Variants in ZBTB34 observed in about 807,000 individuals in gnomAD.
The protein encoded by ZBTB34 is zinc finger and BTB domain-containing protein 34.
A neutral mutation model predicts 33.4 loss-of-function variants in ZBTB34; 1 was observed. That is an observed-to-expected ratio of 0.03 (90% CI 0.01 to 0.14). The LOEUF (loss-of-function observed/expected upper bound fraction) is 0.14. ZBTB34 is among the 10% of genes least tolerant of loss of function. ZBTB34 has a pLI of 1.00. For synonymous variants in ZBTB34, 283 were observed against 253.5 expected, an observed-to-expected ratio of 1.12 and a Z score of -1.11; for missense variants, 406 against 657.2, an observed-to-expected ratio of 0.62 and a Z score of 4.18.
In ZBTB34 at chr9:126,879,859, G is replaced by A; in HGVS notation, c.460G>A (p.Gly154Arg). The stretch of plus-strand genomic sequence containing the variant: ...TGAAGAGAATCCCGAGAGTCGAAAC[G>A]GAGTGAAAGACAGCAGCTTCTTTGC... The change falls in exon 2 of 2, where the codon GGA becomes AGA. Residue 154 changes from glycine (G) to arginine (R), a missense_variant. Physicochemically the swap from Gly to Arg is moderately radical, Grantham distance 125. Coordinates refer to ENST00000319119, the Ensembl canonical transcript of ZBTB34. The surrounding 1 kb of genome is among the most constrained non-coding windows in gnomAD (Gnocchi z 6.4). 2 of 1,613,056 alleles carry A rather than the reference G, an allele frequency of 1.2e-6. No homozygotes were observed. The highest frequency in any genetic ancestry group is 1.3e-5 in the African/African-American group (1 of 75,014).
At chr9:126,867,072 C>T (rs187663724) in intron 1 of ZBTB34, among the ~76,000 whole-genome samples, 202 of 151,122 alleles carry the variant, frequency 1.3e-3, no homozygotes, top group Middle Eastern at 3.5e-3. Context: ...TTAATAGCTG[C>T]GTAGTATTTC....
intron 1 of ZBTB34, among the ~76,000 whole-genome samples, chr9:126,872,720 A>G (rs2033297089): frequency 2.0e-5 from 3 of 152,118 alleles, no homozygotes; most frequent in South Asian, 2.1e-4. Context: ...TAAGTTCACT[A>G]TGTGCCAGTC....
exon 2 of ZBTB34, chr9:126,884,071 A>G (rs1293451848): frequency 6.0e-6 from 1 of 167,104 alleles, no homozygotes; most frequent in African/African-American, 2.4e-5. Flanking sequence ...CAGATGCAGA[A>G]ATCAATTAAG....
chr9:126,885,269 G>C (rs1423254916), exon 2 of ZBTB34: 2 of 167,042 alleles, frequency 1.2e-5, no homozygotes, highest in Non-Finnish European at 2.9e-5. Flanking sequence ...GGCTATTGTA[G>C]TTCTTGATCA....
At chr9:126,871,385 A>G (rs1215642833) in intron 1 of ZBTB34, among the ~76,000 whole-genome samples, 1 of 141,836 alleles carries the variant, frequency 7.1e-6, no homozygotes, top group East Asian at 2.1e-4. Flanking sequence ...TTTTTTTGAG[A>G]TGGAGTCTCG....
rs372391875 is a variant in ZBTB34 at position 126,880,460 on chromosome 9, C to A, written c.1061C>A (p.Pro354His). 3 of 1,613,620 alleles carry A rather than the reference C, an allele frequency of 1.9e-6. No homozygotes were observed. The highest frequency in any genetic ancestry group is 2.5e-6 in the Non-Finnish European group (3 of 1,179,872). ...GACAGTGAAGCCATGATGAACAACC[C>A]CGGGTATGAGAGCAGTCCCCGGGAG... Residue 354 changes from proline to histidine, a missense_variant, in exon 2 of 2, where the codon CCC becomes CAC. Pro to His is a moderately conservative substitution (Grantham distance 77). Around this residue, in one of 6 missense-constraint regions of ZBTB34, gnomAD observed 123 missense variants for 140.4 expected, o/e 0.88. Coordinates refer to ENST00000319119, the Ensembl canonical transcript of ZBTB34. The surrounding 1 kb of genome is among the most constrained non-coding windows in gnomAD (Gnocchi z 6.7).
intron 1 of ZBTB34, among the ~76,000 whole-genome samples, chr9:126,862,599 C>T (rs1241303333): frequency 1.3e-5 from 2 of 152,198 alleles, no homozygotes; most frequent in African/African-American, 2.4e-5. Context: ...AAGCACTGGC[C>T]TCCTTTTTCT....
intron 1 of ZBTB34, among the ~76,000 whole-genome samples, chr9:126,864,920 T>G (rs946905584): frequency 6.6e-6 from 1 of 152,202 alleles, no homozygotes; most frequent in Non-Finnish European, 1.5e-5. Context: ...AGGTTTCCAG[T>G]GCCTGCCAGA....
chr9:126,869,047 A>G (rs1039216005), intron 1 of ZBTB34, among the ~76,000 whole-genome samples: 1 of 152,102 alleles, frequency 6.6e-6, no homozygotes, highest in Non-Finnish European at 1.5e-5. Context: ...ATTTTGCTCT[A>G]CAAAGAGGGT....
exon 2 of ZBTB34, chr9:126,882,305 A>T (rs1263502952): frequency 1.8e-5 from 3 of 167,102 alleles, no homozygotes; most frequent in Non-Finnish European, 4.4e-5. Context: ...GAAAATGTGA[A>T]ATCTGATGGT....
chr9:126,860,772 G>T, intron 1 of ZBTB34, 33 bp downstream of exon 1: 1 of 146,496 alleles, frequency 6.8e-6, no homozygotes, highest in South Asian at 1.8e-4. Context: ...GGCGAGCAGC[G>T]GGCTAGGCGC....
At chr9:126,871,864 C>T (rs1305785188) in intron 1 of ZBTB34, among the ~76,000 whole-genome samples, 2 of 151,906 alleles carry the variant, frequency 1.3e-5, no homozygotes, top group African/African-American at 2.4e-5. Flanking sequence ...GTCTGTAATT[C>T]CAGGACTTTG....
At chr9:126,871,340 T>C (rs917598338) in intron 1 of ZBTB34, among the ~76,000 whole-genome samples, 1 of 151,750 alleles carries the variant, frequency 6.6e-6, no homozygotes, top group African/African-American at 2.4e-5. Flanking sequence ...TCAGCGTGTA[T>C]GTGCTGCTAT....
intron 1 of ZBTB34, among the ~76,000 whole-genome samples, chr9:126,878,677 A>G (rs774010349): frequency 6.6e-6 from 1 of 151,386 alleles, no homozygotes; most frequent in East Asian, 1.9e-4. Context: ...TCAGAAATAC[A>G]CAAGTAAGGT....
chr9:126,883,881 C>T (rs1013389558), exon 2 of ZBTB34: 1 of 167,066 alleles, frequency 6.0e-6, no homozygotes, highest in African/African-American at 2.4e-5. Context: ...TTAATTGTGC[C>T]TTGCCGCATG....
intron 1 of ZBTB34, among the ~76,000 whole-genome samples, chr9:126,878,267 C>T (rs1358272629): frequency 1.3e-5 from 2 of 151,892 alleles, no homozygotes; most frequent in South Asian, 2.1e-4. Flanking sequence ...GTCAGGAGTT[C>T]GAGACCAGCC....
At position 126,874,036 on chromosome 9, in the gene ZBTB34, CTTTT is replaced by C. The variant is rs781115278; in HGVS notation, c.-10-5332_-10-5329del. On this transcript the variant is annotated intron_variant, in intron 1 of 1. Transcript: ENST00000319119. ...TGTGAGAGACTCTGCTGTGTATGTTCTTTTTTTTTTTTTTTTTTTTTTTTTGAGA... is the reference window on the plus strand; with the variant it reads ...TGTGAGAGACTCTGCTGTGTATGTTCTTTTTTTTTTTTTTTTTTTTTGAGA... Among the ~76,000 whole-genome samples, 389 of 65,958 alleles carry C rather than the reference CTTTT, an allele frequency of 5.9e-3. 4 individuals are homozygous for C. In the East Asian group the frequency reaches 0.12, roughly 20 times the overall value. 43.3% of individuals were successfully genotyped at this position (65,958 alleles called of 152,430 possible).
chr9:126,867,199 T>G (rs1301894001), intron 1 of ZBTB34, among the ~76,000 whole-genome samples: 2 of 151,852 alleles, frequency 1.3e-5, no homozygotes, highest in Non-Finnish European at 2.9e-5. Context: ...CTTACACTTT[T>G]GTAGGTCCTA....
At chr9:126,883,828 T>C (rs2033479572) in exon 2 of ZBTB34, 1 of 167,142 alleles carries the variant, frequency 6.0e-6, no homozygotes, top group South Asian at 2.1e-4. Flanking sequence ...CCCAGGGGTG[T>C]GACTGGTGAG....
Sources: gnomAD v4.1 joint callset for allele counts (sites outside exome capture counted in the v4.1 genomes callset) on GRCh38, gnomAD v4.1.1 for gene constraint, gnomAD v4.1.1 regional missense constraint, Gnocchi (gnomAD v3.1) non-coding constraint, MANE v1.5 for transcripts, NCBI Gene and HGNC (gene_info 2026-07-23, HGNC 2026-07-21) for gene names.